COL27A1: variants seen among roughly 807,000 people sequenced by gnomAD.
COL27A1 encodes collagen alpha-1(XXVII) chain.
A neutral mutation model predicts 251.3 loss-of-function variants in COL27A1; 106 were observed. That is an observed-to-expected ratio of 0.42 (90% CI 0.36 to 0.50). The LOEUF is 0.50. Ranked by LOEUF, COL27A1 falls within the 20% of genes least tolerant of loss-of-function variation. COL27A1 has a pLI of 0.00. For missense variants in COL27A1, 2,325 were observed against 2,522.8 expected (o/e 0.92, Z 1.68); for synonymous variants, 1,000 against 986.3 (o/e 1.01, Z -0.26).
In COL27A1 at chr9:114,196,887, A is replaced by G. The variant is rs146698544; in HGVS notation, c.2124+875A>G. On this transcript the variant is annotated intron_variant, in intron 7 of 60. Transcript: ENST00000356083. ...CTACTCTAGTTGTGCCTACTCCAGGAAGTCCTCCTGGAGCACCCAGCTTCA... is the reference window on the plus strand; with the variant it reads ...CTACTCTAGTTGTGCCTACTCCAGGGAGTCCTCCTGGAGCACCCAGCTTCA... Among the ~76,000 whole-genome samples the G allele has an allele frequency of 5.6e-3, 845 of 152,170 alleles. 5 individuals carry two copies. Among genetic ancestry groups the G allele is most frequent in the African/African-American group, 0.019 (800 of 41,512 alleles).
At chr9:114,284,548 C>A (rs1345060009) in intron 40 of COL27A1, among the ~76,000 whole-genome samples, 176 bp from the exon 41 acceptor site, 1 of 152,202 alleles carries the variant, frequency 6.6e-6, no homozygotes, top group Admixed American at 6.5e-5. Context: ...CTGGGACCAG[C>A]ACGGCACATC....
At chr9:114,211,475 G>A (rs4979354) in intron 12 of COL27A1, among the ~76,000 whole-genome samples, 28,896 of 152,222 alleles carry the variant, frequency 0.19, 3,618 homozygotes, top group East Asian at 0.59. Context: ...AGGACAATGG[G>A]GTTTATGGGC....
chr9:114,286,729 C>T (rs1827521660), intron 41 of COL27A1, among the ~76,000 whole-genome samples: 1 of 149,734 alleles, frequency 6.7e-6, no homozygotes. Flanking sequence ...TACCCTAAAA[C>T]TTAAAGTATA....
chr9:114,235,740 G>A (rs1832345824), intron 17 of COL27A1, 88 bp downstream of exon 17: 2 of 965,566 alleles, frequency 2.1e-6, no homozygotes, highest in Admixed American at 3.4e-5. Flanking sequence ...GGTCCATCAT[G>A]AGCAAGGACC....
At chr9:114,216,836 C>T (rs765128838) in intron 12 of COL27A1, among the ~76,000 whole-genome samples, 25 of 152,248 alleles carry the variant, frequency 1.6e-4, no homozygotes, top group Admixed American at 2.0e-4. Flanking sequence ...AACCAGTCCT[C>T]AGCATCAATC....
At chr9:114,229,788 G>A (rs1462310442) in intron 14 of COL27A1, among the ~76,000 whole-genome samples, 1 of 152,174 alleles carries the variant, frequency 6.6e-6, no homozygotes, top group African/African-American at 2.4e-5. Context: ...TGAGATTTGA[G>A]GGAGAAAGCG....
Position 114,245,816 on chromosome 9 carries a change from T to C in COL27A1, c.2935-50T>C, listed in dbSNP as rs777400133. 3.8e-6 allele frequency: 6 copies of C among 1,581,142 alleles called. No individual in the cohort carries two copies. The South Asian group carries it at 5.5e-5, about 15-fold the overall frequency. The stretch of plus-strand genomic sequence containing the variant: ...AGGCCTGGGACTTCCCCAGGAGGTC[T>C]AGACTTTCATCTCCCATCCCAATCC... On this transcript the variant is annotated intron_variant, in intron 23 of 60. Transcript: ENST00000356083.
intron 57 of COL27A1, among the ~76,000 whole-genome samples, chr9:114,305,660 G>A (rs954148879): frequency 1.3e-5 from 2 of 152,166 alleles, no homozygotes; most frequent in African/African-American, 4.8e-5. Flanking sequence ...CTCCACACCA[G>A]GGGGAGGCAC....
intron 41 of COL27A1, 57 bp from the exon 42 acceptor site, chr9:114,288,398 T>C: frequency 1.9e-6 from 3 of 1,559,554 alleles, no homozygotes; most frequent in Non-Finnish European, 2.6e-6. Flanking sequence ...CCGTCTGGAA[T>C]TCCCCACATT....
intron 4 of COL27A1, among the ~76,000 whole-genome samples, chr9:114,181,173 G>C (rs1262456440): frequency 6.6e-6 from 1 of 152,160 alleles, no homozygotes; most frequent in Admixed American, 6.5e-5. Flanking sequence ...ACCGAGGCTG[G>C]GGATTATGAG....
At chr9:114,252,028 C>T (rs1023580935) in intron 25 of COL27A1, among the ~76,000 whole-genome samples, 1 of 152,218 alleles carries the variant, frequency 6.6e-6, no homozygotes. Flanking sequence ...GAAACAGAGC[C>T]TCACGAAAAC....
intron 41 of COL27A1, among the ~76,000 whole-genome samples, 196 bp downstream of exon 41, chr9:114,284,973 T>C (rs571448367): frequency 6.6e-6 from 1 of 152,334 alleles, no homozygotes; most frequent in South Asian, 2.1e-4. Context: ...CATTCAGCAC[T>C]ATGTGCTGGG....
intron 24 of COL27A1, among the ~76,000 whole-genome samples, chr9:114,249,037 G>A (rs1197321018): frequency 6.6e-6 from 1 of 152,170 alleles, no homozygotes; most frequent in East Asian, 1.9e-4. Context: ...CCCGTATTCG[G>A]AACAGTGCCA....
rs560450215 is a variant in COL27A1 at position 114,304,846 on chromosome 9, G to T, written c.4938+173G>T. ...GGGTTTGTACTGAAACTCAGAATGGGCAGTGAGTCCAAGGTCCCATGGCCA... is the reference window on the plus strand; with the variant it reads ...GGGTTTGTACTGAAACTCAGAATGGTCAGTGAGTCCAAGGTCCCATGGCCA... On this transcript the variant is annotated intron_variant, in intron 57 of 60. Transcript: ENST00000356083. 3.7e-3 allele frequency among the ~76,000 whole-genome samples: 559 copies of T among 152,314 alleles called. 4 individuals carry two copies. Among genetic ancestry groups the T allele is most frequent in the Non-Finnish European group, 6.0e-3 (410 of 68,034 alleles).
chr9:114,164,762 T>G (rs1471017136), intron 2 of COL27A1, among the ~76,000 whole-genome samples: 4 of 152,224 alleles, frequency 2.6e-5, no homozygotes, highest in African/African-American at 7.2e-5. Flanking sequence ...TTTCAGTGAC[T>G]AAAACATATA....
At chr9:114,157,982 G>A (rs887502191) in intron 1 of COL27A1, among the ~76,000 whole-genome samples, 1 of 152,192 alleles carries the variant, frequency 6.6e-6, no homozygotes, top group African/African-American at 2.4e-5. Flanking sequence ...TGTTGAATGG[G>A]TGTGTGAGTC....
chr9:114,298,333 C>T (rs867797186), intron 49 of COL27A1, among the ~76,000 whole-genome samples: 5 of 152,092 alleles, frequency 3.3e-5, no homozygotes, highest in South Asian at 2.1e-4. Flanking sequence ...GACTTTTTAA[C>T]GAAATCTGAC....
chr9:114,308,507 C>T (rs1201745156), intron 59 of COL27A1, among the ~76,000 whole-genome samples: 1 of 152,180 alleles, frequency 6.6e-6, no homozygotes, highest in Non-Finnish European at 1.5e-5. Flanking sequence ...TTGTTGGGTC[C>T]CTATCATGTG....
intron 6 of COL27A1, 102 bp from the exon 7 acceptor site, chr9:114,195,857 G>A: frequency 1.0e-6 from 1 of 958,198 alleles, no homozygotes; most frequent in Non-Finnish European, 1.7e-6. Context: ...ATCTCATTTG[G>A]AAACAACCAG....
Sources: allele counts gnomAD v4.1 joint callset (sites outside exome capture counted in the v4.1 genomes callset), GRCh38; gene constraint gnomAD v4.1.1; transcripts MANE v1.5; gene names NCBI Gene and HGNC (gene_info 2026-07-23, HGNC 2026-07-21).